CDK5RAP2: variants seen among roughly 807,000 people sequenced by gnomAD.
CDK5RAP2 encodes CDK5 regulatory subunit associated protein 2.
Under a neutral mutation model 232.9 loss-of-function variants are expected in CDK5RAP2, and 147 were observed. That is an observed-to-expected ratio of 0.63 (90% CI 0.55 to 0.72). CDK5RAP2 has a LOEUF of 0.72. Ranked by LOEUF, CDK5RAP2 falls within the 30% of genes least tolerant of loss-of-function variation. The pLI is 0.00. For missense variants in CDK5RAP2, 2,195 were observed against 2,231.5 expected (o/e 0.98, Z 0.33); for synonymous variants, 833 against 833.7 (o/e 1.00, Z 0.01).
intron 15 of CDK5RAP2, among the ~76,000 whole-genome samples, chr9:120,476,194 T>C (rs1392274932): frequency 1.3e-5 from 2 of 150,960 alleles, no homozygotes; most frequent in Non-Finnish European, 3.0e-5. Flanking sequence ...CTTTTCATTA[T>C]AGAAAATTTT....
At chr9:120,516,735 A>G (rs1163617864) in intron 12 of CDK5RAP2, among the ~76,000 whole-genome samples, 1 of 152,136 alleles carries the variant, frequency 6.6e-6, no homozygotes, top group East Asian at 1.9e-4. Context: ...AGGGTGAGGC[A>G]GTAGGATCCC....
At chr9:120,390,139 G>A (rs993244053) in intron 36 of CDK5RAP2, 7 of 296,130 alleles carry the variant, frequency 2.4e-5, no homozygotes, top group African/African-American at 4.3e-5. Flanking sequence ...GCCAGGGAGG[G>A]CAATGGCGCA....
At chr9:120,438,909 G>C (rs1240796452) in intron 24 of CDK5RAP2, among the ~76,000 whole-genome samples, 1 of 152,128 alleles carries the variant, frequency 6.6e-6, no homozygotes, top group African/African-American at 2.4e-5. Context: ...CATGACCTAA[G>C]AATTCTTCTC....
At chr9:120,519,492 T>C (rs891809089) in intron 11 of CDK5RAP2, among the ~76,000 whole-genome samples, 2 of 151,184 alleles carry the variant, frequency 1.3e-5, no homozygotes, top group African/African-American at 4.8e-5. Context: ...TGAAGACAGA[T>C]TACTCAGGCA....
rs1191030108 is a variant in CDK5RAP2, at chr9:120,580,115, G to A, written c.-137C>T. On this transcript the variant is annotated 5_prime_UTR_variant, in exon 1 of 38. Coordinates refer to ENST00000349780, the MANE Select transcript of CDK5RAP2 (RefSeq NM_018249.6). ...TGTTCAGACTCTGGCGGCGCCGCTG[G>A]AATTCAAACCACAGACGCCGCCATC... 1.7e-6 allele frequency: 1 copy of A among 592,640 alleles called. No individual in the cohort carries two copies. Among genetic ancestry groups the A allele is most frequent in the East Asian group, 3.0e-5 (1 of 33,254 alleles). 36.7% of individuals were successfully genotyped at this position (592,640 alleles called of 1,614,324 possible).
chr9:120,407,878 T>C (rs186667373), intron 31 of CDK5RAP2: 13 of 263,594 alleles, frequency 4.9e-5, no homozygotes, highest in African/African-American at 1.3e-4. Context: ...CCATAAATGT[T>C]TGCTGAATGA....
chr9:120,523,308 A>G lies in CDK5RAP2; in HGVS notation c.1092+1678T>C, dbSNP rs141999597. Among the ~76,000 whole-genome samples, 234 of 152,364 alleles carry G rather than the reference A, an allele frequency of 1.5e-3. 2 individuals are homozygous for G. Among genetic ancestry groups the G allele is most frequent in the African/African-American group, 5.5e-3 (228 of 41,580 alleles). On this transcript the variant is annotated intron_variant, in intron 11 of 37. Transcript: ENST00000349780. ...TAAGACCCGTCATAACAAGTAAAAT[A>G]TCACAATGTTTATGCCGGTCTCTCT...
intron 36 of CDK5RAP2, 50 bp from the exon 37 acceptor site, chr9:120,389,837 G>A (rs1291290320): frequency 1.3e-6 from 2 of 1,577,074 alleles, no homozygotes; most frequent in Admixed American, 1.7e-5. Flanking sequence ...ATATCCAGGA[G>A]AGCTGTGTGA....
intron 23 of CDK5RAP2, among the ~76,000 whole-genome samples, chr9:120,443,259 G>A (rs970153889): frequency 2.0e-5 from 3 of 152,070 alleles, no homozygotes; most frequent in Non-Finnish European, 4.4e-5. Context: ...GCAGCCCCGC[G>A]CTGAATACTA....
Position 120,419,938 on chromosome 9 carries a change from A to G in CDK5RAP2, c.4027T>C (p.Tyr1343His). The G allele has an allele frequency of 6.2e-7, 1 of 1,614,046 alleles. No individual in the cohort carries two copies. Among genetic ancestry groups the G allele is most frequent in the South Asian group, 1.1e-5 (1 of 91,082 alleles). ...MERIEEDNLT[Y>H]QHLLPESPEP... ...GGAGATTCAGGCAGAAGATGTTGGT[A>G]GGTTAAGTTGTCTTCCTCAATCCTT... Residue 1343 changes from tyrosine to histidine, a missense_variant, in exon 27 of 38, where the codon TAC (tyrosine) becomes CAC (histidine). Physicochemically the swap from Tyr to His is moderately conservative, Grantham distance 83. Coordinates refer to ENST00000349780, the MANE Select transcript of CDK5RAP2 (RefSeq NM_018249.6).
At position 120,407,204 on chromosome 9, in the gene CDK5RAP2, G is replaced by A; in HGVS notation, c.4771C>T (p.Leu1591=). ...TGGATCTCCATCAGGAGGCTGTGCA[G>A]GTCCCTGAAAGGATCCTGCCCCTTC... ...GWKGQDPFRD[L]HSLLMEIQAL... The change falls in exon 32 of 38, where the codon CTG becomes TTG. Residue 1591 remains leucine, a synonymous_variant. Transcript: ENST00000349780. The A allele has an allele frequency of 6.2e-7, 1 of 1,613,714 alleles. No individual in the cohort carries two copies. Among genetic ancestry groups the A allele is most frequent in the Non-Finnish European group, 8.5e-7 (1 of 1,180,038 alleles).
At chr9:120,527,181 C>T (rs1284908545) in intron 10 of CDK5RAP2, among the ~76,000 whole-genome samples, 1 of 152,208 alleles carries the variant, frequency 6.6e-6, no homozygotes, top group Non-Finnish European at 1.5e-5. Flanking sequence ...ACAGAACCAT[C>T]AGCTACCACC....
rs766823917 is a variant in CDK5RAP2, at chr9:120,460,687, G to T, written c.2107-20C>A. ...CAGAAGCTACATGGAGCATGGAATG[G>T]TGTGAAAATGCAACCCAAAAAAGTG... On this transcript the variant is annotated intron_variant, in intron 18 of 37. Transcript: ENST00000349780. 6.2e-7 allele frequency: 1 copy of T among 1,613,662 alleles called. No individual in the cohort carries two copies. Among genetic ancestry groups the T allele is most frequent in the African/African-American group, 1.3e-5 (1 of 74,838 alleles).
intron 25 of CDK5RAP2, among the ~76,000 whole-genome samples, chr9:120,432,949 T>C (rs2035369075): frequency 1.3e-5 from 2 of 152,196 alleles, no homozygotes; most frequent in South Asian, 4.1e-4. Context: ...AACTAGCTTA[T>C]TTAGAATACC....
chr9:120,420,334 T>G lies in CDK5RAP2; in HGVS notation c.4005-374A>C, dbSNP rs773798309. ...TTGAGGTAGGGATTACTATCCTCAT[T>G]TAGACTGGGGGAACTGGGGCTCATC... On this transcript the variant is annotated intron_variant, in intron 26 of 37. Coordinates refer to ENST00000349780, the MANE Select transcript of CDK5RAP2 (RefSeq NM_018249.6). 5.0e-4 allele frequency among the ~76,000 whole-genome samples: 76 copies of G among 152,176 alleles called. 1 individual carries two copies. Among genetic ancestry groups the G allele is most frequent in the Non-Finnish European group, 1.3e-4 (9 of 68,032 alleles).
At chr9:120,439,112 T>C (rs1490910023) in intron 24 of CDK5RAP2, among the ~76,000 whole-genome samples, 1 of 152,154 alleles carries the variant, frequency 6.6e-6, no homozygotes, top group Non-Finnish European at 1.5e-5. Flanking sequence ...ATGAAACCTT[T>C]ACCCTGAGCC....
chr9:120,456,691 C>T (rs2036795660), intron 20 of CDK5RAP2, among the ~76,000 whole-genome samples: 1 of 152,138 alleles, frequency 6.6e-6, no homozygotes, highest in Non-Finnish European at 1.5e-5. Context: ...ACTAAATTTT[C>T]CTTCCCTCCG....
In CDK5RAP2 at chr9:120,580,006, G is replaced by A. The variant is rs1202000644; in HGVS notation, c.-28C>T. Reference sequence around the variant, plus strand: ...CTACAGAGGTGGCGACAGCGTTGGTGTCTGTGGCGGCGGCGCCACTAGTAC... The same window carrying A: ...CTACAGAGGTGGCGACAGCGTTGGTATCTGTGGCGGCGGCGCCACTAGTAC... On this transcript the variant is annotated 5_prime_UTR_variant, in exon 1 of 38. Transcript: ENST00000349780. The A allele has an allele frequency of 1.3e-6, 2 of 1,525,832 alleles. No individual in the cohort carries two copies. Among genetic ancestry groups the A allele is most frequent in the Non-Finnish European group, 1.8e-6 (2 of 1,102,224 alleles). The allele number at this position is 1,525,832 out of a possible 1,614,324, so 94.5% of individuals were successfully genotyped here. A position where few individuals can be genotyped will look rare whatever the true frequency, so the allele number is the denominator to read the frequency against.
chr9:120,444,778 C>T (rs1394359432), intron 22 of CDK5RAP2, among the ~76,000 whole-genome samples: 1 of 152,172 alleles, frequency 6.6e-6, no homozygotes, highest in East Asian at 1.9e-4. Context: ...GGCTGATTCC[C>T]ACCTAGCTAG....
Sources: allele counts gnomAD v4.1 joint callset (sites outside exome capture counted in the v4.1 genomes callset), GRCh38; gene constraint gnomAD v4.1.1; transcripts MANE v1.5; gene names NCBI Gene and HGNC (gene_info 2026-07-23, HGNC 2026-07-21).